GRM5: variants seen among roughly 807,000 people sequenced by gnomAD.
GRM5 encodes the protein metabotropic glutamate receptor 5.
In GRM5, 19 loss-of-function variants were observed where a neutral mutation model predicts 83.1. That is an observed-to-expected ratio of 0.23 (90% CI 0.16 to 0.34). The LOEUF is 0.34. Among genes scored for constraint, GRM5 ranks in the 10% least tolerant of loss-of-function variants. GRM5 has a pLI of 1.00. For missense variants in GRM5, 1,160 were observed against 1,588.3 expected, an observed-to-expected ratio of 0.73 and a Z score of 4.58; for synonymous variants, 675 against 633.6, an observed-to-expected ratio of 1.07 and a Z score of -0.98.
intron 2 of GRM5, among the ~76,000 whole-genome samples, chr11:88,939,487 C>T (rs917137639): frequency 6.6e-6 from 1 of 151,678 alleles, no homozygotes; most frequent in Non-Finnish European, 1.5e-5. Flanking sequence ...ATTTTAGCTG[C>T]ATATGTGGGC....
chr11:89,023,246 CA>C (rs1039720881), intron 2 of GRM5, among the ~76,000 whole-genome samples: 15 of 151,998 alleles, frequency 9.9e-5, no homozygotes, highest in African/African-American at 3.1e-4. Flanking sequence ...CATACACCAT[CA>C]GGGGGGTAAT....
intron 2 of GRM5, among the ~76,000 whole-genome samples, chr11:88,863,195 T>C (rs775674756): frequency 1.3e-5 from 2 of 152,110 alleles, no homozygotes; most frequent in Non-Finnish European, 2.9e-5. Context: ...TTGTAGAAGA[T>C]AGTATGGCAA....
chr11:88,821,934 C>A (rs999240859), intron 3 of GRM5, among the ~76,000 whole-genome samples: 3 of 152,028 alleles, frequency 2.0e-5, no homozygotes, highest in African/African-American at 4.8e-5. Context: ...CAATTTCCTA[C>A]TTACATTTTA....
At chr11:88,842,129 G>A (rs927449542) in intron 3 of GRM5, among the ~76,000 whole-genome samples, 3 of 152,126 alleles carry the variant, frequency 2.0e-5, no homozygotes, top group African/African-American at 4.8e-5. Flanking sequence ...ATAGATTGGT[G>A]TAGATTTTAT....
intron 2 of GRM5, among the ~76,000 whole-genome samples, chr11:88,923,578 G>T (rs183576664): frequency 6.6e-6 from 1 of 151,888 alleles, no homozygotes; most frequent in African/African-American, 2.4e-5. Flanking sequence ...GGAAAAGGGG[G>T]GTGGTTAATA....
intron 2 of GRM5, among the ~76,000 whole-genome samples, chr11:88,936,133 C>T (rs777761222): frequency 1.3e-5 from 2 of 151,798 alleles, no homozygotes; most frequent in Non-Finnish European, 2.9e-5. Flanking sequence ...GAAAGACTTG[C>T]GCTCAGATCT....
chr11:88,972,105 C>G (rs1205792623), intron 2 of GRM5, among the ~76,000 whole-genome samples: 1 of 152,146 alleles, frequency 6.6e-6, no homozygotes, highest in African/African-American at 2.4e-5. Flanking sequence ...CAAAGGGCAT[C>G]AGCCTAATGG....
At chr11:88,693,039 C>T (rs1390579179) in intron 3 of GRM5, among the ~76,000 whole-genome samples, 1 of 152,010 alleles carries the variant, frequency 6.6e-6, no homozygotes, top group African/African-American at 2.4e-5. Flanking sequence ...GTTTGTATCT[C>T]CTATGGTTCT....
intron 7 of GRM5, among the ~76,000 whole-genome samples, chr11:88,578,059 T>C (rs1036004607): frequency 6.6e-6 from 1 of 152,100 alleles, no homozygotes; most frequent in African/African-American, 2.4e-5. Context: ...TTTTATTAGA[T>C]TATCCTTTAT....
intron 3 of GRM5, among the ~76,000 whole-genome samples, chr11:88,837,798 A>G (rs2135526871): frequency 6.6e-6 from 1 of 152,288 alleles, no homozygotes; most frequent in Non-Finnish European, 1.5e-5. Context: ...GACATAAGTT[A>G]CGTCGGCCGG....
At chr11:88,945,999 T>C (rs1028047829) in intron 2 of GRM5, among the ~76,000 whole-genome samples, 1 of 151,818 alleles carries the variant, frequency 6.6e-6, no homozygotes, top group Non-Finnish European at 1.5e-5. Context: ...CTGACAAAAG[T>C]CTAGTATCCA....
chr11:88,918,281 A>G (rs1426962310), intron 2 of GRM5, among the ~76,000 whole-genome samples: 1 of 152,056 alleles, frequency 6.6e-6, no homozygotes, highest in Non-Finnish European at 1.5e-5. Context: ...TCCTGCAGAC[A>G]TGAAGGAGAA....
At chr11:88,787,687 C>T (rs2135470926) in intron 3 of GRM5, among the ~76,000 whole-genome samples, 1 of 152,026 alleles carries the variant, frequency 6.6e-6, no homozygotes, top group Non-Finnish European at 1.5e-5. Flanking sequence ...TTAAGATTGA[C>T]TTTAAGGATA....
intron 3 of GRM5, among the ~76,000 whole-genome samples, chr11:88,732,844 G>C (rs1161348106): frequency 1.3e-5 from 2 of 151,932 alleles, no homozygotes; most frequent in Non-Finnish European, 2.9e-5. Context: ...TTCTGCCCTA[G>C]AGACTGTGGA....
At chr11:88,892,929 A>T (rs1311316200) in intron 2 of GRM5, among the ~76,000 whole-genome samples, 2 of 152,030 alleles carry the variant, frequency 1.3e-5, no homozygotes, top group South Asian at 4.1e-4. Flanking sequence ...GAAACTTCAT[A>T]GACTCCCCAA....
intron 9 of GRM5, among the ~76,000 whole-genome samples, chr11:88,510,150 T>A (rs530994831): frequency 8.5e-5 from 13 of 152,268 alleles, no homozygotes; most frequent in Middle Eastern, 3.2e-3. Flanking sequence ...ACATTTCTAA[T>A]GAGAGCTTCT....
At chr11:88,916,891 C>T (rs1945604163) in intron 2 of GRM5, among the ~76,000 whole-genome samples, 1 of 152,172 alleles carries the variant, frequency 6.6e-6, no homozygotes, top group African/African-American at 2.4e-5. Context: ...TTTCTAGACT[C>T]ACCCTGGGCC....
chr11:88,936,011 C>T (rs1937880510), intron 2 of GRM5, among the ~76,000 whole-genome samples: 1 of 151,824 alleles, frequency 6.6e-6, no homozygotes, highest in South Asian at 2.1e-4. Flanking sequence ...TATTATTCTA[C>T]AAAGTAAATC....
At position 88,508,435 on chromosome 11, in the gene GRM5, T is replaced by C. The variant is rs1252624465; in HGVS notation, c.*157A>G. Reference sequence around the variant, plus strand: ...TTGTCGTCGGTTTCTTCGTCGGTTGTCATGAGATAGCACTACTGATCTCGT... The same window carrying C: ...TTGTCGTCGGTTTCTTCGTCGGTTGCCATGAGATAGCACTACTGATCTCGT... On this transcript the variant is annotated 3_prime_UTR_variant, in exon 10 of 10. Transcript: ENST00000305447. This position sits in a 1 kb window ranked among gnomAD's most constrained non-coding sequence, Gnocchi z 4.2. 6 of 520,664 alleles carry C rather than the reference T, an allele frequency of 1.2e-5. No individual in the cohort carries two copies. Among genetic ancestry groups the C allele is most frequent in the African/African-American group, 8.1e-5 (4 of 49,556 alleles). The allele number at this position is 520,664 out of a possible 1,614,324, so 32.3% of individuals were successfully genotyped here.
Sources: allele counts gnomAD v4.1 joint callset (sites outside exome capture counted in the v4.1 genomes callset), GRCh38; gene constraint gnomAD v4.1.1; non-coding constraint Gnocchi (gnomAD v3.1); transcripts MANE v1.5; gene names NCBI Gene and HGNC (gene_info 2026-07-23, HGNC 2026-07-21).